NRG1: variants seen among roughly 807,000 people sequenced by gnomAD.
NRG1 encodes neuregulin 1.
A neutral mutation model predicts 63.8 loss-of-function variants in NRG1; 18 were observed. That is an observed-to-expected ratio of 0.28 (90% confidence interval 0.19 to 0.42). The LOEUF is 0.42. Ranked by LOEUF, NRG1 falls within the 10% of genes least tolerant of loss-of-function variation. The probability of loss-of-function intolerance (pLI) is 1.00; values close to 1 mark genes in which losing one functional copy is unlikely to be tolerated. For synonymous variants in NRG1, 302 were observed against 301.3 expected, an observed-to-expected ratio of 1.00 and a Z score of -0.02; for missense variants, 762 against 814.7, an observed-to-expected ratio of 0.94 and a Z score of 0.79.
chr8:32,356,080 A>G (rs1454189223), intron 1 of NRG1, among the ~76,000 whole-genome samples: 1 of 152,180 alleles, frequency 6.6e-6, no homozygotes, highest in Admixed American at 6.6e-5. Flanking sequence ...AGGACAGAGG[A>G]CAAGTACCCT....
chr8:31,900,381 C>G (rs1026640879), intron 1 of NRG1, among the ~76,000 whole-genome samples: 1 of 152,094 alleles, frequency 6.6e-6, no homozygotes, highest in African/African-American at 2.4e-5. Context: ...CAAGAGAATG[C>G]AAGTATTAAA....
At chr8:32,724,045 C>T (rs1231282251) in intron 5 of NRG1, among the ~76,000 whole-genome samples, 1 of 152,160 alleles carries the variant, frequency 6.6e-6, no homozygotes, top group Non-Finnish European at 1.5e-5. Context: ...TGGCCAAAAC[C>T]GTAATTACTT....
intron 6 of NRG1, 131 bp downstream of exon 6, chr8:32,728,209 A>ACGGCGACCACC: frequency 6.7e-7 from 1 of 1,488,452 alleles, no homozygotes. Flanking sequence ...TTTTATATGT[A>ACGGCGACCACC]GAGTGTTTTA....
intron 5 of NRG1, among the ~76,000 whole-genome samples, chr8:32,628,801 C>T (rs1849749849): frequency 6.7e-6 from 1 of 149,408 alleles, no homozygotes; most frequent in African/African-American, 2.5e-5. Flanking sequence ...GGCATGATCT[C>T]GGCTCACTGC....
At chr8:31,721,167 T>A (rs1812878410) in intron 1 of NRG1, among the ~76,000 whole-genome samples, 1 of 152,138 alleles carries the variant, frequency 6.6e-6, no homozygotes, top group Non-Finnish European at 1.5e-5. Context: ...TTTGCCAATT[T>A]TTTTTTCTTG....
chr8:32,424,726 G>A (rs1479681571), intron 1 of NRG1, among the ~76,000 whole-genome samples: 1 of 152,108 alleles, frequency 6.6e-6, no homozygotes, highest in African/African-American at 2.4e-5. Context: ...AATTAGCCAG[G>A]CATGGTGGTG....
At chr8:32,541,864 C>T (rs1832611052) in intron 1 of NRG1, among the ~76,000 whole-genome samples, 1 of 152,076 alleles carries the variant, frequency 6.6e-6, no homozygotes. Flanking sequence ...TAAATCGAAA[C>T]TCAAAGATAG....
At chr8:31,974,486 A>G (rs975196088) in intron 1 of NRG1, among the ~76,000 whole-genome samples, 10 of 152,174 alleles carry the variant, frequency 6.6e-5, no homozygotes, top group Non-Finnish European at 1.2e-4. Context: ...CTATTTGTCA[A>G]GAGTACAACT....
intron 1 of NRG1, among the ~76,000 whole-genome samples, chr8:31,824,902 G>T (rs932642945): frequency 6.6e-6 from 1 of 152,120 alleles, no homozygotes; most frequent in African/African-American, 2.4e-5. Context: ...TTCTTACTGA[G>T]AGTCACTGAA....
At chr8:31,846,861 A>G (rs1826737704) in intron 1 of NRG1, among the ~76,000 whole-genome samples, 1 of 152,194 alleles carries the variant, frequency 6.6e-6, no homozygotes, top group Non-Finnish European at 1.5e-5. Context: ...GCATTTTGTC[A>G]TTTAGTGAAT....
At chr8:32,094,414 A>T (rs553436536) in intron 1 of NRG1, among the ~76,000 whole-genome samples, 2 of 152,208 alleles carry the variant, frequency 1.3e-5, no homozygotes, top group Admixed American at 1.3e-4. Flanking sequence ...CCTGCCCAGC[A>T]TGGCACCTTA....
upstream of NRG1, among the ~76,000 whole-genome samples, chr8:32,547,830 C>G (rs1399036994): frequency 3.9e-5 from 6 of 152,180 alleles, no homozygotes; most frequent in Non-Finnish European, 8.8e-5. Context: ...AACGTTCCCC[C>G]CGCACCCCTC....
chr8:31,789,096 C>T (rs1820448460), intron 1 of NRG1, among the ~76,000 whole-genome samples: 1 of 152,170 alleles, frequency 6.6e-6, no homozygotes, highest in African/African-American at 2.4e-5. Flanking sequence ...CGCATTTCCA[C>T]CTTTCTGGGT....
chr8:31,996,541 GA>G (rs1187670964), intron 1 of NRG1, among the ~76,000 whole-genome samples: 1 of 151,826 alleles, frequency 6.6e-6, no homozygotes, highest in South Asian at 2.1e-4. Context: ...AGACCAGCCT[GA>G]GTAACAAGTG....
chr8:32,467,065 T>C (rs1465749934), intron 1 of NRG1, among the ~76,000 whole-genome samples: 1 of 152,128 alleles, frequency 6.6e-6, no homozygotes, highest in Non-Finnish European at 1.5e-5. Flanking sequence ...GAAAAATTCA[T>C]ATTTTAACCT....
intron 1 of NRG1, among the ~76,000 whole-genome samples, chr8:32,161,531 C>T (rs1183824476): frequency 1.3e-5 from 2 of 151,482 alleles, no homozygotes; most frequent in Non-Finnish European, 2.9e-5. Flanking sequence ...CACATTTTAT[C>T]TGCATTTAAC....
intron 3 of NRG1, among the ~76,000 whole-genome samples, chr8:32,610,108 T>C (rs1194984126): frequency 6.6e-6 from 1 of 152,228 alleles, no homozygotes; most frequent in South Asian, 2.1e-4. Context: ...AGTCACTTTA[T>C]TAATTTCATT....
intron 1 of NRG1, among the ~76,000 whole-genome samples, chr8:31,814,914 A>T (rs186106413): frequency 0.01 from 1,571 of 152,098 alleles, 30 homozygotes; most frequent in African/African-American, 0.036. Flanking sequence ...ATTCCTGGAC[A>T]CCCAAATAAA....
intron 1 of NRG1, among the ~76,000 whole-genome samples, chr8:32,076,848 T>C (rs569457827): frequency 6.6e-5 from 10 of 152,314 alleles, no homozygotes; most frequent in African/African-American, 2.4e-4. Context: ...TGGGCATCAT[T>C]TGAATAATGG....
Sources: gnomAD v4.1 joint callset for allele counts (sites outside exome capture counted in the v4.1 genomes callset) on GRCh38, gnomAD v4.1.1 for gene constraint, MANE v1.5 for transcripts, NCBI Gene and HGNC (gene_info 2026-07-23, HGNC 2026-07-21) for gene names.